The following LHX6 variants were observed in gnomAD, a reference collection of about 807,000 sequenced individuals.
The protein encoded by LHX6 is LIM homeobox 6, also known as LIM/homeobox protein Lhx6.
Under a neutral mutation model 47.1 loss-of-function variants are expected in LHX6, and 15 were observed. The ratio of observed to expected loss-of-function variants is 0.32; its 90% confidence interval spans 0.21 to 0.49. LHX6 has a LOEUF of 0.49. LHX6 is among the 20% of genes least tolerant of loss of function. LHX6 has a pLI of 0.99. For synonymous variants in LHX6, 242 were observed against 233.5 expected (o/e 1.04, Z -0.33); for missense variants, 404 against 539.6 (o/e 0.75, Z 2.49).
chr9:122,214,176 G>GCC lies in LHX6; in HGVS notation c.783+105_783+106dup. On this transcript the variant is annotated intron_variant, in intron 6 of 9. Coordinates refer to ENST00000394319, the MANE Select transcript of LHX6 (RefSeq NM_014368.5). This position sits in a 1 kb window ranked among gnomAD's most constrained non-coding sequence, Gnocchi z 4.6. ...CCACGCCCCAGGCAGCTGCGGCCCC[G>GCC]CCCCGCCACCCGGGTCCGGCCCGAG... 4 of 1,276,126 alleles carry GCC rather than the reference G, an allele frequency of 3.1e-6. No individual in the cohort carries two copies. The highest frequency in any genetic ancestry group is 4.2e-6 in the Non-Finnish European group (4 of 943,552). The allele number at this position is 1,276,126 out of a possible 1,614,324, so 79.1% of individuals were successfully genotyped here.
intron 4 of LHX6, among the ~76,000 whole-genome samples, chr9:122,222,699 G>T (rs1474696673): frequency 6.6e-6 from 1 of 152,222 alleles, no homozygotes; most frequent in East Asian, 1.9e-4. Flanking sequence ...ACCAGTGCTA[G>T]CTCTGCCAAT....
In LHX6 at chr9:122,217,351, A is replaced by G; in HGVS notation, c.462-63T>C. On this transcript the variant is annotated intron_variant, in intron 4 of 9. Transcript: ENST00000394319. This position sits in a 1 kb window ranked among gnomAD's most constrained non-coding sequence, Gnocchi z 4.9. Reference sequence around the variant, plus strand: ...CAGACAGGCCAACCTTCCTCCTTCCACCACCCAATGGCCCGCCAGCCCCCA... The same window carrying G: ...CAGACAGGCCAACCTTCCTCCTTCCGCCACCCAATGGCCCGCCAGCCCCCA... 7.2e-7 allele frequency: 1 copy of G among 1,388,874 alleles called. No individual in the cohort carries two copies. Among genetic ancestry groups the G allele is most frequent in the Non-Finnish European group, 9.8e-7 (1 of 1,018,018 alleles). 86.0% of individuals were successfully genotyped at this position (1,388,874 alleles called of 1,614,324 possible).
In LHX6 at chr9:122,214,843, G is replaced by A. The variant is rs574003311; in HGVS notation, c.683-460C>T. On this transcript the variant is annotated intron_variant, in intron 5 of 9. Coordinates refer to ENST00000394319, the MANE Select transcript of LHX6 (RefSeq NM_014368.5). This position sits in a 1 kb window ranked among gnomAD's most constrained non-coding sequence, Gnocchi z 4.6. ...TATAAAAATAAGCGGAAGGAAAAAA[G>A]GTTGTAAGAATATACAACAAGGTGT... Among the ~76,000 whole-genome samples the A allele has an allele frequency of 8.8e-4, 134 of 152,276 alleles. No individual in the cohort carries two copies. Among genetic ancestry groups the A allele is most frequent in the African/African-American group, 3.1e-3 (129 of 41,558 alleles).
Position 122,214,199 on chromosome 9 carries a change from G to T in LHX6, c.783+84C>A. 1.0e-6 allele frequency: 1 copy of T among 986,696 alleles called. No individual in the cohort carries two copies. Among genetic ancestry groups the T allele is most frequent in the Non-Finnish European group, 1.4e-6 (1 of 705,144 alleles). The allele number at this position is 986,696 out of a possible 1,614,324, so 61.1% of individuals were successfully genotyped here. On this transcript the variant is annotated intron_variant, in intron 6 of 9. Transcript: ENST00000394319. This position sits in a 1 kb window ranked among gnomAD's most constrained non-coding sequence, Gnocchi z 4.6. ...CCGCCCCGCCACCCGGGTCCGGCCC[G>T]AGGGGCGGAGCCAGGAGACATTGTC... is the stretch of plus-strand genomic sequence containing the variant.
chr9:122,223,773 G>C (rs1464495301), intron 4 of LHX6, among the ~76,000 whole-genome samples: 1 of 152,186 alleles, frequency 6.6e-6, no homozygotes, highest in African/African-American at 2.4e-5. Context: ...GTCTAGTAAA[G>C]CACAGTATCC....
rs79215464 is a variant in LHX6, at chr9:122,212,243, C to T, written c.1054+1363G>A. Among the ~76,000 whole-genome samples, 308 of 152,290 alleles carry T rather than the reference C, an allele frequency of 2.0e-3. 1 individual carries two copies. Among genetic ancestry groups the T allele is most frequent in the African/African-American group, 7.1e-3 (294 of 41,554 alleles). On this transcript the variant is annotated intron_variant, in intron 8 of 9. Coordinates refer to ENST00000394319, the MANE Select transcript of LHX6 (RefSeq NM_014368.5). ...AAGAAACTCACCCACTGTCACACAG[C>T]TAGTAAATGGCAGGGCTGGGATGTG...
rs930753919 is a variant in LHX6 at position 122,226,990 on chromosome 9, T to C, written c.197A>G (p.Lys66Arg). Reference sequence around the variant, plus strand: ...ACATGGGGAGGCCTGACCCTCGTCCTTGTCCAGAGCTCCTGCCAGGGCCTC... The same window carrying C: ...ACATGGGGAGGCCTGACCCTCGTCCCTGTCCAGAGCTCCTGCCAGGGCCTC... ...DAEALAGALD[K>R]DEGQASPCTP... The change falls in exon 3 of 10, where the codon AAG (lysine) becomes AGG (arginine). Residue 66 changes from lysine to arginine, a missense_variant. Transcript: ENST00000394319. The surrounding 1 kb of genome is among the most constrained non-coding windows in gnomAD (Gnocchi z 6.5). 20 of 1,537,020 alleles carry C rather than the reference T, an allele frequency of 1.3e-5. No homozygotes were observed. The highest frequency in any genetic ancestry group is 9.7e-5 in the East Asian group (4 of 41,214).
At chr9:122,227,278 C>T in intron 2 of LHX6, 131 bp downstream of exon 2, 3 of 1,011,436 alleles carry the variant, frequency 3.0e-6, no homozygotes, top group South Asian at 3.7e-5. Flanking sequence ...AACCGAGGCT[C>T]AGAGAGGGGC....
intron 4 of LHX6, among the ~76,000 whole-genome samples, chr9:122,221,898 G>T (rs1564443709): frequency 6.6e-6 from 1 of 152,246 alleles, no homozygotes; most frequent in East Asian, 1.9e-4. Context: ...CAGCTATAGG[G>T]CTTATCTAGT....
At chr9:122,227,208 A>G (rs143997802) in intron 2 of LHX6, 178 bp from the exon 3 acceptor site, 4 of 758,402 alleles carry the variant, frequency 5.3e-6, no homozygotes, top group Non-Finnish European at 8.0e-6. Flanking sequence ...GACGGCCCCA[A>G]CTTTTAACAC....
intron 4 of LHX6, chr9:122,221,416 G>A: frequency 1.0e-6 from 1 of 985,590 alleles, no homozygotes; most frequent in Non-Finnish European, 1.2e-6. Context: ...TGGGACCCTC[G>A]CTTTGCGGGA....
chr9:122,212,870 G>A (rs970595437), intron 8 of LHX6, among the ~76,000 whole-genome samples: 1 of 152,168 alleles, frequency 6.6e-6, no homozygotes, highest in African/African-American at 2.4e-5. Context: ...GAACACAGAA[G>A]GCACTCAAGA....
In LHX6 at chr9:122,226,510, C is replaced by A; in HGVS notation, c.340-13G>T. The A allele has an allele frequency of 6.2e-7, 1 of 1,611,204 alleles. No homozygotes were observed. Among genetic ancestry groups the A allele is most frequent in the East Asian group, 2.2e-5 (1 of 44,816 alleles). On this transcript the variant is annotated splice_polypyrimidine_tract_variant and intron_variant, in intron 3 of 9. Transcript: ENST00000394319. This position sits in a 1 kb window ranked among gnomAD's most constrained non-coding sequence, Gnocchi z 6.5. ...TGAGGTTGTTGACCTGGGGACGGGGCGGGGACGGAGGTCGGCTCAGCGCGG... is the reference window on the plus strand; with the variant it reads ...TGAGGTTGTTGACCTGGGGACGGGGAGGGGACGGAGGTCGGCTCAGCGCGG...
rs1237351968 is a variant in LHX6, at chr9:122,214,527, G to C, written c.683-144C>G. On this transcript the variant is annotated intron_variant, in intron 5 of 9. Coordinates refer to ENST00000394319, the MANE Select transcript of LHX6 (RefSeq NM_014368.5). The surrounding 1 kb of genome is among the most constrained non-coding windows in gnomAD (Gnocchi z 4.6). ...CAGGGATCCCAGGGTCCTAGTCCCTGAGCTCAGTCTTTGGGGAAGGGGTTT... is the reference window on the plus strand; with the variant it reads ...CAGGGATCCCAGGGTCCTAGTCCCTCAGCTCAGTCTTTGGGGAAGGGGTTT... The C allele has an allele frequency of 8.2e-5, 98 of 1,202,016 alleles. 1 individual carries two copies. Among genetic ancestry groups the C allele is most frequent in the Non-Finnish European group, 5.5e-6 (5 of 910,548 alleles). The allele number at this position is 1,202,016 out of a possible 1,614,324, so 74.5% of individuals were successfully genotyped here. A position where few individuals can be genotyped will look rare whatever the true frequency, so the allele number is the denominator to read the frequency against.
At chr9:122,219,350 C>A (rs553026738) in intron 4 of LHX6, among the ~76,000 whole-genome samples, 2 of 152,338 alleles carry the variant, frequency 1.3e-5, no homozygotes, top group South Asian at 2.1e-4. Context: ...TAAGCACAGG[C>A]GGTTCCGGAC....
In LHX6 at chr9:122,213,304, C is replaced by G. The variant is rs937931138; in HGVS notation, c.1054+302G>C. 2.0e-5 allele frequency among the ~76,000 whole-genome samples: 3 copies of G among 152,154 alleles called. No individual in the cohort carries two copies. Among genetic ancestry groups the G allele is most frequent in the Non-Finnish European group, 2.9e-5 (2 of 68,040 alleles). ...AACGCAGGCTCCACAGAGTAGGTAC[C>G]TTGTCCAGCCTGTTCTCTCCCCAGT... On this transcript the variant is annotated intron_variant, in intron 8 of 9. Transcript: ENST00000394319. The surrounding 1 kb of genome is among the most constrained non-coding windows in gnomAD (Gnocchi z 5.5).
chr9:122,210,676 C>T (rs192715941), intron 8 of LHX6, among the ~76,000 whole-genome samples: 286 of 152,308 alleles, frequency 1.9e-3, no homozygotes, highest in African/African-American at 6.4e-3. Flanking sequence ...ATTCTCCCAC[C>T]TTAGCCTCCT....
In LHX6 at chr9:122,226,917, G is replaced by C; in HGVS notation, c.270C>G (p.Ser90=). The change falls in exon 3 of 10, where the codon TCC becomes TCG. Residue 90 remains serine, a synonymous_variant. Transcript: ENST00000394319. The surrounding 1 kb of genome is among the most constrained non-coding windows in gnomAD (Gnocchi z 6.5). ...AGATGTTCTTGCCTGCAGACGGCAC[G>C]GAGGAGGCGGCAGAGGGCGGTGAGC... ...SVCSPPSAAS[S]VPSAGKNICS... 1 of 1,562,406 alleles carries C rather than the reference G, an allele frequency of 6.4e-7. No homozygotes were observed. Among genetic ancestry groups the C allele is most frequent in the Non-Finnish European group, 8.7e-7 (1 of 1,153,366 alleles).
chr9:122,221,156 G>A lies in LHX6; in HGVS notation c.462-3868C>T, dbSNP rs185460419. 60 of 985,386 alleles carry A rather than the reference G, an allele frequency of 6.1e-5. No homozygotes were observed. In the African/African-American group the frequency reaches 9.9e-4, roughly 16 times the overall value. 61.0% of individuals were successfully genotyped at this position (985,386 alleles called of 1,614,324 possible). ...TGTGAGGCGAACAAGGTGGGTTGGA[G>A]GTGGGGCCCTACCTATTCTCTCTGC... On this transcript the variant is annotated intron_variant, in intron 4 of 9. Coordinates refer to ENST00000394319, the MANE Select transcript of LHX6 (RefSeq NM_014368.5).
Sources: gnomAD v4.1 joint callset for allele counts (sites outside exome capture counted in the v4.1 genomes callset) on GRCh38, gnomAD v4.1.1 for gene constraint, Gnocchi (gnomAD v3.1) non-coding constraint, MANE v1.5 for transcripts, NCBI Gene and HGNC (gene_info 2026-07-23, HGNC 2026-07-21) for gene names.